The following KLK15 variants were observed in gnomAD, a reference collection of about 807,000 sequenced individuals.
KLK15 encodes kallikrein related peptidase 15.
KLK15 carries 19 observed loss-of-function variants against 21.1 expected under a neutral mutation model. The ratio of observed to expected loss-of-function variants is 0.90; its 90% CI spans 0.63 to 1.32. The LOEUF is 1.32. Among genes scored for constraint, KLK15 ranks in the 40% most tolerant of loss-of-function variants. The pLI is 0.00. For synonymous variants in KLK15, 141 were observed against 141.5 expected, an observed-to-expected ratio of 1.00 and a Z score of 0.03; for missense variants, 345 against 348.6, an observed-to-expected ratio of 0.99 and a Z score of 0.08.
At chr19:50,826,092 T>C in intron 4 of KLK15, 144 bp from the exon 6 acceptor site, 1 of 797,226 alleles carries the variant, frequency 1.3e-6, no homozygotes, top group South Asian at 1.9e-5. Context: ...ACAGCCCAGT[T>C]TATCCCAAAC....
At chr19:50,827,778 C>T (rs1337237643) in exon 2 of KLK15, 1 of 1,611,248 alleles carries the variant, frequency 6.2e-7, no homozygotes, top group East Asian at 2.2e-5. Context: ...GGGGTGCACA[C>T]TCGTCACCTT....
At chr19:50,831,989 A>T (rs2659057), upstream of KLK15, among the ~76,000 whole-genome samples, 76,156 of 149,928 alleles carry the variant, frequency 0.51, 19,396 homozygotes, top group East Asian at 0.57. Context: ...TTTTTTGGAA[A>T]TTTTTTTTTT....
At chr19:50,826,015 A>G in intron 4 of KLK15, 67 bp from the exon 6 acceptor site, 1 of 1,488,176 alleles carries the variant, frequency 6.7e-7, no homozygotes, top group Non-Finnish European at 9.1e-7. Context: ...CCTAATCACC[A>G]TTTGCAATCT....
intron 1 of KLK15, among the ~76,000 whole-genome samples, chr19:50,828,969 C>CAAAAAAAAAA (rs3078002): frequency 3.5e-5 from 2 of 56,642 alleles, no homozygotes; most frequent in African/African-American, 1.5e-4. Flanking sequence ...AACTCCATCT[C>CAAAAAAAAAA]AAAAAAAAAA....
chr19:50,825,977 G>A (rs750012376), intron 4 of KLK15, 29 bp from the exon 6 acceptor site: 2 of 1,598,060 alleles, frequency 1.3e-6, no homozygotes, highest in Non-Finnish European at 1.7e-6. Flanking sequence ...GTCTCAGGTT[G>A]AGTGAAACCT....
Position 50,826,441 on chromosome 19 carries a change from A to G in KLK15, c.618+180T>C, listed in dbSNP as rs115979803. 1,062 of 636,608 alleles carry G rather than the reference A, an allele frequency of 1.7e-3. 8 individuals are homozygous for G. In the African/African-American group the frequency reaches 0.018, roughly 11 times the overall value. 39.4% of individuals were successfully genotyped at this position (636,608 alleles called of 1,614,324 possible). A position where few individuals can be genotyped will look rare whatever the true frequency, so the allele number is the denominator to read the frequency against. ...CACATTATCCACCTCAAACAACGCA[A>G]TCCCCACCTATAACCCCAACTCCAA... On this transcript the variant is annotated intron_variant, in intron 4 of 4. Transcript: ENST00000598239.
Sources: gnomAD v4.1 joint callset for allele counts (sites outside exome capture counted in the v4.1 genomes callset) on GRCh38, gnomAD v4.1.1 for gene constraint, MANE v1.5 for transcripts, NCBI Gene and HGNC (gene_info 2026-07-23, HGNC 2026-07-21) for gene names.